Variants in RYR3 observed in about 807,000 individuals in gnomAD.
RYR3 encodes the protein brain ryanodine receptor-calcium release channel.
RYR3 carries 207 observed loss-of-function variants against 584.3 expected under a neutral mutation model. The observed-to-expected ratio is 0.35, with a 90% CI of 0.32 to 0.40. The LOEUF (loss-of-function observed/expected upper bound fraction) is 0.40, where lower values mean the gene tolerates loss of function less well. RYR3 is among the 10% of genes least tolerant of loss of function. The probability of loss-of-function intolerance (pLI) is 1.00; values close to 1 mark genes in which losing one functional copy is unlikely to be tolerated. For missense variants in RYR3, 5,616 were observed against 6,089.2 expected, an observed-to-expected ratio of 0.92 and a Z score of 2.59; for synonymous variants, 2,416 against 2,248.5, an observed-to-expected ratio of 1.07 and a Z score of -2.11.
At chr15:33,828,601 C>T (rs1256360306) in intron 85 of RYR3, among the ~76,000 whole-genome samples, 1 of 152,206 alleles carries the variant, frequency 6.6e-6, no homozygotes, top group African/African-American at 2.4e-5. Flanking sequence ...CCAGCCACAA[C>T]ATTCTCATAA....
chr15:33,645,996 A>T (rs1029523090), intron 28 of RYR3, among the ~76,000 whole-genome samples: 1 of 152,142 alleles, frequency 6.6e-6, no homozygotes, highest in African/African-American at 2.4e-5. Flanking sequence ...GTCCTTGGAA[A>T]GATTATCTTC....
At chr15:33,862,997 A>T (rs1888982026) in intron 102 of RYR3, among the ~76,000 whole-genome samples, 1 of 152,200 alleles carries the variant, frequency 6.6e-6, no homozygotes, top group Non-Finnish European at 1.5e-5. Flanking sequence ...TTAAGAGAAT[A>T]TACATCTTAA....
In RYR3 at chr15:33,752,087, A is replaced by G. The variant is rs532723729; in HGVS notation, c.8399+1801A>G. ...GGTCTCTGTTCTATTCCATCGGTCT[A>G]TATCTCTGTTTTGGTACCAGTACCA... On this transcript the variant is annotated intron_variant, in intron 57 of 103. Coordinates refer to ENST00000634891, the MANE Select transcript of RYR3 (RefSeq NM_001036.6). 5.3e-5 allele frequency among the ~76,000 whole-genome samples: 8 copies of G among 152,206 alleles called. No individual in the cohort carries two copies. The South Asian group carries it at 1.2e-3, about 24-fold the overall frequency.
chr15:33,763,905 A>AAAAAAAAAAAAAAAAC (rs2072750948), intron 60 of RYR3, among the ~76,000 whole-genome samples: 2 of 132,620 alleles, frequency 1.5e-5, no homozygotes, highest in African/African-American at 6.2e-5. Context: ...AAAAAAAAAA[A>AAAAAAAAAAAAAAAAC]AAAAAAAAAA....
At chr15:33,810,692 G>C in intron 71 of RYR3, 43 bp downstream of exon 71, 2 of 1,611,920 alleles carry the variant, frequency 1.2e-6, no homozygotes, top group Admixed American at 3.3e-5. Context: ...GATCCACATG[G>C]TGCAGTGATA....
intron 67 of RYR3, among the ~76,000 whole-genome samples, chr15:33,796,961 C>A (rs770918953): frequency 6.6e-6 from 1 of 152,146 alleles, no homozygotes; most frequent in Non-Finnish European, 1.5e-5. Flanking sequence ...TTTATAGCAA[C>A]GTGCATGGAT....
chr15:33,752,643 G>T (rs557323426), intron 57 of RYR3, among the ~76,000 whole-genome samples: 2 of 152,256 alleles, frequency 1.3e-5, no homozygotes, highest in African/African-American at 4.8e-5. Flanking sequence ...GAGTTGATGA[G>T]GTTTTCTAAG....
intron 8 of RYR3, among the ~76,000 whole-genome samples, chr15:33,547,708 G>A (rs1046170936): frequency 9.9e-5 from 15 of 152,266 alleles, no homozygotes; most frequent in African/African-American, 3.4e-4. Flanking sequence ...ACACTATGTC[G>A]AATAGGTGTT....
intron 1 of RYR3, among the ~76,000 whole-genome samples, chr15:33,455,619 G>T (rs2047488299): frequency 1.3e-5 from 2 of 152,152 alleles, no homozygotes; most frequent in South Asian, 4.1e-4. Context: ...AGGACAAATT[G>T]AAAGTTCCTG....
intron 60 of RYR3, among the ~76,000 whole-genome samples, chr15:33,766,550 C>CT (rs1244423354): frequency 6.6e-6 from 1 of 152,176 alleles, no homozygotes; most frequent in Non-Finnish European, 1.5e-5. Context: ...TGTCTGTTTT[C>CT]TTTATCTACT....
chr15:33,367,852 CT>C (rs1325011482), intron 1 of RYR3, among the ~76,000 whole-genome samples: 7 of 152,128 alleles, frequency 4.6e-5, no homozygotes, highest in Non-Finnish European at 1.0e-4. Context: ...TCAGTCCAGC[CT>C]TACTATTTTG....
intron 1 of RYR3, among the ~76,000 whole-genome samples, chr15:33,379,687 C>CTCTCTATATATATATATATATATA: frequency 2.4e-5 from 3 of 125,498 alleles, no homozygotes; most frequent in African/African-American, 7.1e-5. Context: ...CTCTCTCTCT[C>CTCTCTATATATATATATATATATA]TATATATATA....
chr15:33,444,469 A>G (rs550209135), intron 1 of RYR3, among the ~76,000 whole-genome samples: 1 of 152,352 alleles, frequency 6.6e-6, no homozygotes, highest in African/African-American at 2.4e-5. Context: ...ACTGAGTACT[A>G]GCTGTGCACA....
At chr15:33,324,237 G>A (rs999879969) in intron 1 of RYR3, among the ~76,000 whole-genome samples, 1 of 152,080 alleles carries the variant, frequency 6.6e-6, no homozygotes, top group Non-Finnish European at 1.5e-5. Context: ...TGAAACTTTG[G>A]TCTGGTAATA....
At position 33,840,834 on chromosome 15, in the gene RYR3, A is replaced by G; in HGVS notation, c.12988A>G (p.Met4330Val). The change falls in exon 90 of 104, where the codon ATG becomes GTG. Residue 4330 changes from methionine to valine, a missense_variant. Physicochemically the swap from Met to Val is conservative, Grantham distance 21. Around this residue, in one of 9 missense-constraint regions of RYR3, gnomAD observed 918 missense variants for 887.4 expected, o/e 1.03. Transcript: ENST00000634891. The stretch of plus-strand genomic sequence containing the variant: ...TGTTATTTTTGTCTAGGCAGCAGAA[A>G]TGAAAGCAGCAAATGAAGCAGAAGG... The part of the protein sequence containing the change: ...QKKRKAQAAE[M>V]KAANEAEGKV... The G allele has an allele frequency of 6.2e-7, 1 of 1,613,958 alleles. No homozygotes were observed. The highest frequency in any genetic ancestry group is 8.5e-7 in the Non-Finnish European group (1 of 1,179,878).
intron 100 of RYR3, 148 bp downstream of exon 100, chr15:33,859,879 C>G (rs2080142245): frequency 1.1e-6 from 1 of 897,738 alleles, no homozygotes; most frequent in African/African-American, 1.7e-5. Flanking sequence ...TCTACTATAC[C>G]TGAGGCTTTG....
rs2072551006 is a variant in RYR3 at position 33,762,456 on chromosome 15, C to T, written c.8705+4860C>T. Among the ~76,000 whole-genome samples the T allele has an allele frequency of 2.6e-5, 4 of 152,250 alleles. No homozygotes were observed. The South Asian group carries it at 8.3e-4, about 32-fold the overall frequency. Reference sequence around the variant, plus strand: ...AAAAAATTACAGGCATTCCTATACACCAATAATAAACAAAACAGAGAGCCA... The same window carrying T: ...AAAAAATTACAGGCATTCCTATACATCAATAATAAACAAAACAGAGAGCCA... On this transcript the variant is annotated intron_variant, in intron 60 of 103. Coordinates refer to ENST00000634891, the MANE Select transcript of RYR3 (RefSeq NM_001036.6).
Position 33,662,968 on chromosome 15 carries a change from G to A in RYR3, c.5418+20G>A, listed in dbSNP as rs1381475096. On this transcript the variant is annotated intron_variant, in intron 35 of 103. Transcript: ENST00000634891. ...CTGCAGGTAAGCTGCAGGTGGTTAA[G>A]TGGAGGCAGGTTAATAGATCTTCTG... The A allele has an allele frequency of 9.4e-6, 15 of 1,597,318 alleles. No individual in the cohort carries two copies. The highest frequency in any genetic ancestry group is 3.4e-5 in the Admixed American group (2 of 59,662).
At chr15:33,696,514 C>G in intron 39 of RYR3, 23 bp downstream of exon 39, 1 of 1,611,664 alleles carries the variant, frequency 6.2e-7, no homozygotes, top group Non-Finnish European at 8.5e-7. Context: ...CGGTTACGTG[C>G]TGTTCTCTCT....
Sources: allele counts gnomAD v4.1 joint callset (sites outside exome capture counted in the v4.1 genomes callset), GRCh38; gene constraint gnomAD v4.1.1; regional missense constraint gnomAD v4.1.1; transcripts MANE v1.5; gene names NCBI Gene and HGNC (gene_info 2026-07-23, HGNC 2026-07-21).